Variants in MUSK observed in about 807,000 individuals in gnomAD.
The protein encoded by MUSK is muscle associated receptor tyrosine kinase, also known as muscle, skeletal receptor tyrosine-protein kinase.
MUSK carries 55 observed loss-of-function variants against 88.7 expected under a neutral mutation model. The observed-to-expected ratio is 0.62, with a 90% confidence interval of 0.50 to 0.78. The LOEUF is 0.78. MUSK is among the 30% of genes least tolerant of loss of function. MUSK has a pLI of 0.00. For synonymous variants in MUSK, 387 were observed against 391.9 expected, an observed-to-expected ratio of 0.99 and a Z score of 0.15; for missense variants, 1,015 against 1,074.3, an observed-to-expected ratio of 0.94 and a Z score of 0.77.
At position 110,740,998 on chromosome 9, in the gene MUSK, A is replaced by T. The variant is rs548503399; in HGVS notation, c.753+6623A>T. Among the ~76,000 whole-genome samples the T allele has an allele frequency of 1.8e-4, 27 of 152,250 alleles. No individual in the cohort carries two copies. The South Asian group carries it at 5.4e-3, about 30-fold the overall frequency. ...CTGTCAGGGATGGGAGGATGGGGAG[A>T]TGATCATCAAAGGGTACAAAGTTTC... On this transcript the variant is annotated intron_variant, in intron 6 of 14. Coordinates refer to ENST00000374448, the MANE Select transcript of MUSK (RefSeq NM_005592.4).
intron 7 of MUSK, among the ~76,000 whole-genome samples, chr9:110,754,399 G>A (rs2077285577): frequency 6.6e-6 from 1 of 152,146 alleles, no homozygotes; most frequent in African/African-American, 2.4e-5. Context: ...GGGATATTTT[G>A]AGAATTTTTT....
intron 6 of MUSK, among the ~76,000 whole-genome samples, chr9:110,737,258 G>A (rs994570157): frequency 4.0e-5 from 6 of 151,740 alleles, no homozygotes; most frequent in South Asian, 2.1e-4. Context: ...GGTTTGCACC[G>A]AGTCTTTAGT....
intron 1 of MUSK, among the ~76,000 whole-genome samples, chr9:110,671,696 C>A (rs1472130306): frequency 2.0e-5 from 3 of 152,180 alleles, no homozygotes; most frequent in Admixed American, 2.0e-4. Flanking sequence ...AGTAGAATTT[C>A]ACAAACTGTC....
chr9:110,681,006 T>TAA (rs1554732298), intron 1 of MUSK, among the ~76,000 whole-genome samples: 4 of 41,946 alleles, frequency 9.5e-5, no homozygotes, highest in African/African-American at 1.5e-4. Context: ...ATATATTATA[T>TAA]TATATATAAT....
chr9:110,804,091 G>A lies in MUSK; in HGVS notation c.*3103G>A, dbSNP rs1262157512. On this transcript the variant is annotated 3_prime_UTR_variant, in exon 15 of 15. Coordinates refer to ENST00000374448, the MANE Select transcript of MUSK (RefSeq NM_005592.4). ...ACAGTATATTACGAACCTGTTCCAC[G>A]TCATTAAATATTCTTCTAAAAACCC... Among the ~76,000 whole-genome samples, 3 of 152,164 alleles carry A rather than the reference G, an allele frequency of 2.0e-5. No homozygotes were observed. The highest frequency in any genetic ancestry group is 2.1e-4 in the South Asian group (1 of 4,822).
rs1235689278 is a variant in MUSK at position 110,687,228 on chromosome 9, A to G, written c.318A>G (p.Gly106=). The stretch of plus-strand genomic sequence containing the variant: ...GCTGCACGGCCAACAATGGTGTGGG[A>G]GGAGCTGTGGAGAGTTGTGGAGCCC... ...IYCCTANNGV[G]GAVESCGALQ... is the part of the protein sequence containing the mutation. Residue 106 remains glycine (G), a synonymous_variant, in exon 3 of 15, where the codon GGA becomes GGG. Transcript: ENST00000374448. 6.2e-7 allele frequency: 1 copy of G among 1,613,742 alleles called. No individual in the cohort carries two copies. Among genetic ancestry groups the G allele is most frequent in the East Asian group, 2.2e-5 (1 of 44,884 alleles).
intron 5 of MUSK, among the ~76,000 whole-genome samples, chr9:110,715,555 G>A (rs1420495664): frequency 1.3e-5 from 2 of 148,462 alleles, no homozygotes; most frequent in Non-Finnish European, 3.0e-5. Flanking sequence ...TTTACCAAAT[G>A]GTCAGAGATT....
At chr9:110,723,894 C>A (rs369489681) in intron 5 of MUSK, among the ~76,000 whole-genome samples, 6 of 152,038 alleles carry the variant, frequency 3.9e-5, no homozygotes, top group African/African-American at 1.4e-4. Context: ...TCCTTCTCTT[C>A]TCTACTGCTC....
At chr9:110,782,296 T>C (rs971020857) in intron 11 of MUSK, among the ~76,000 whole-genome samples, 1 of 152,158 alleles carries the variant, frequency 6.6e-6, no homozygotes, top group East Asian at 1.9e-4. Flanking sequence ...AAAGAGATCA[T>C]TGATGTAGTT....
At chr9:110,766,149 G>T (rs903695172) in intron 8 of MUSK, among the ~76,000 whole-genome samples, 3 of 152,130 alleles carry the variant, frequency 2.0e-5, no homozygotes, top group Non-Finnish European at 4.4e-5. Context: ...TTTATGGCTG[G>T]CCTTGAGGAA....
chr9:110,762,307 C>G (rs2077414275), intron 8 of MUSK, 99 bp downstream of exon 8: 1 of 894,252 alleles, frequency 1.1e-6, no homozygotes, highest in African/African-American at 1.7e-5. Context: ...GTTGCCCAGG[C>G]TGGAGTGCGG....
intron 7 of MUSK, among the ~76,000 whole-genome samples, chr9:110,754,980 G>T (rs1198103030): frequency 6.6e-6 from 1 of 152,144 alleles, no homozygotes; most frequent in African/African-American, 2.4e-5. Context: ...CCTCTTAGAT[G>T]ATCAAAATGA....
intron 6 of MUSK, among the ~76,000 whole-genome samples, chr9:110,735,282 C>T (rs982594027): frequency 6.6e-6 from 1 of 151,994 alleles, no homozygotes; most frequent in Non-Finnish European, 1.5e-5. Flanking sequence ...GCACTATTCA[C>T]AATAACCAAG....
chr9:110,753,000 G>A (rs2077266712), intron 7 of MUSK, among the ~76,000 whole-genome samples: 1 of 152,128 alleles, frequency 6.6e-6, no homozygotes, highest in African/African-American at 2.4e-5. Context: ...CCAGGATGCT[G>A]GGCATTTGGC....
intron 11 of MUSK, among the ~76,000 whole-genome samples, chr9:110,777,482 A>C (rs2077688589): frequency 6.6e-6 from 1 of 152,122 alleles, no homozygotes; most frequent in East Asian, 1.9e-4. Flanking sequence ...AATTACTCAG[A>C]GGTATTAAAC....
intron 5 of MUSK, among the ~76,000 whole-genome samples, chr9:110,733,878 G>T (rs2076995007): frequency 6.6e-6 from 1 of 152,058 alleles, no homozygotes; most frequent in Non-Finnish European, 1.5e-5. Context: ...AGTGAATGGG[G>T]GGAGGATTAC....
intron 5 of MUSK, among the ~76,000 whole-genome samples, chr9:110,707,720 T>C (rs2076616966): frequency 6.6e-6 from 1 of 152,204 alleles, no homozygotes; most frequent in Non-Finnish European, 1.5e-5. Context: ...AGGGAGGGTC[T>C]AGAAGCAGAA....
intron 3 of MUSK, among the ~76,000 whole-genome samples, chr9:110,689,745 A>ATATAATATC (rs1357551358): frequency 4.3e-5 from 1 of 23,344 alleles, no homozygotes; most frequent in Non-Finnish European, 8.6e-5. Flanking sequence ...ATATAATATT[A>ATATAATATC]TATATTATAT....
intron 6 of MUSK, 128 bp from the exon 7 acceptor site, chr9:110,747,513 T>C (rs2131876584): frequency 1.1e-6 from 1 of 932,258 alleles, no homozygotes; most frequent in East Asian, 2.4e-5. Context: ...AGGGAAAATC[T>C]TTTGGCTATG....
Sources: gnomAD v4.1 joint callset for allele counts (sites outside exome capture counted in the v4.1 genomes callset) on GRCh38, gnomAD v4.1.1 for gene constraint, MANE v1.5 for transcripts, NCBI Gene and HGNC (gene_info 2026-07-23, HGNC 2026-07-21) for gene names.